Variants in PCDH15 observed in about 807,000 individuals in gnomAD.
The protein encoded by PCDH15 is protocadherin related 15.
Under a neutral mutation model 178.5 loss-of-function variants are expected in PCDH15, and 129 were observed. The ratio of observed to expected loss-of-function variants is 0.72; its 90% CI spans 0.63 to 0.84. PCDH15 has a LOEUF of 0.84. PCDH15 is among the 40% of genes least tolerant of loss of function. The pLI is 0.00. For missense variants in PCDH15, 2,230 were observed against 2,099.9 expected (o/e 1.06, Z -1.21); for synonymous variants, 800 against 732.0 (o/e 1.09, Z -1.50).
intron 2 of PCDH15, chr10:54,607,881 G>C (rs370656833): frequency 5.7e-6 from 3 of 528,634 alleles, no homozygotes; most frequent in African/African-American, 1.9e-5. Flanking sequence ...AGGCTATTAG[G>C]TTGGTCCAAA....
intron 3 of PCDH15, among the ~76,000 whole-genome samples, chr10:54,853,306 T>TACAC (rs1383527323): frequency 1.7e-5 from 2 of 117,182 alleles, no homozygotes; most frequent in Non-Finnish European, 3.4e-5. Context: ...TATATATATA[T>TACAC]ATATATATAT....
chr10:54,057,094 C>A (rs1292454637), intron 18 of PCDH15, among the ~76,000 whole-genome samples: 1 of 152,196 alleles, frequency 6.6e-6, no homozygotes, highest in Non-Finnish European at 1.5e-5. Flanking sequence ...AGCTCCCACT[C>A]CTGGTTGTTT....
In PCDH15 at chr10:53,840,377, G is replaced by A. The variant is rs183552230; in HGVS notation, c.3926C>T (p.Thr1309Ile). ...GGTTTGGGGGTCAATTGCATAGACAGTCAAGTCACATTTGGTGTAATCTTC... is the reference window on the plus strand; with the variant it reads ...GGTTTGGGGGTCAATTGCATAGACAATCAAGTCACATTTGGTGTAATCTTC... ...SLEDYTKCDL[T>I]VYAIDPQTNR... The change falls in exon 29 of 38, where the codon ACT (threonine) becomes ATT (isoleucine). Residue 1309 changes from threonine to isoleucine, a missense_variant. Thr to Ile is a moderately conservative substitution (Grantham distance 89, BLOSUM62 -1). Transcript: ENST00000644397. The A allele has an allele frequency of 1.2e-6, 2 of 1,614,176 alleles. No individual in the cohort carries two copies. Among genetic ancestry groups the A allele is most frequent in the African/African-American group, 1.3e-5 (1 of 75,050 alleles).
At chr10:54,768,013 A>T (rs529277694) in intron 1 of PCDH15, among the ~76,000 whole-genome samples, 7 of 152,290 alleles carry the variant, frequency 4.6e-5, no homozygotes, top group African/African-American at 1.4e-4. Flanking sequence ...CTAATGGAAA[A>T]ATGTTACTAA....
chr10:54,929,138 T>C (rs1318153891), intron 2 of PCDH15, among the ~76,000 whole-genome samples: 1 of 152,208 alleles, frequency 6.6e-6, no homozygotes, highest in Non-Finnish European at 1.5e-5. Flanking sequence ...CCATGAGCGT[T>C]TGATTGTGGC....
chr10:55,175,225 C>CCAAACTATCCATGATAGACTAGGGAT (rs1341509236), intron 1 of PCDH15, among the ~76,000 whole-genome samples: 1 of 152,112 alleles, frequency 6.6e-6, no homozygotes, highest in East Asian at 1.9e-4. Flanking sequence ...CTCAGTTACT[C>CCAAACTATCCATGATAGACTAGGGAT]CAAACTATCC....
In PCDH15 at chr10:54,444,890, A is replaced by G. The variant is rs886403687; in HGVS notation, c.158-65948T>C. Among the ~76,000 whole-genome samples the G allele has an allele frequency of 2.0e-5, 3 of 151,616 alleles. No individual in the cohort carries two copies. In the Admixed American group the frequency reaches 2.0e-4, roughly 10 times the overall value. On this transcript the variant is annotated intron_variant, in intron 3 of 37. Coordinates refer to ENST00000644397, the MANE Select transcript of PCDH15 (RefSeq NM_001384140.1). The stretch of plus-strand genomic sequence containing the variant: ...TCACAACAATCGTCCATCTTTAACT[A>G]CATGTGAGGAAAGCACTTTCTTATA...
At chr10:54,930,523 A>T (rs1313794982) in intron 2 of PCDH15, among the ~76,000 whole-genome samples, 1 of 152,088 alleles carries the variant, frequency 6.6e-6, no homozygotes, top group Non-Finnish European at 1.5e-5. Flanking sequence ...ATGCTGCTTC[A>T]ATTTGTTTAC....
At chr10:55,053,111 T>C (rs1841207227) in intron 2 of PCDH15, among the ~76,000 whole-genome samples, 2 of 152,184 alleles carry the variant, frequency 1.3e-5, no homozygotes, top group Non-Finnish European at 2.9e-5. Flanking sequence ...CTATTATATG[T>C]GGCTGACAAA....
chr10:54,824,442 T>A (rs186646895), intron 3 of PCDH15, among the ~76,000 whole-genome samples: 7 of 152,266 alleles, frequency 4.6e-5, no homozygotes, highest in Admixed American at 4.6e-4. Context: ...TTTTCCCATA[T>A]GCTACCTTGA....
At chr10:54,497,678 G>T (rs1218128280) in intron 3 of PCDH15, among the ~76,000 whole-genome samples, 2 of 152,054 alleles carry the variant, frequency 1.3e-5, no homozygotes, top group Non-Finnish European at 2.9e-5. Flanking sequence ...ATTAATAATA[G>T]AATGGACCAA....
intron 26 of PCDH15, among the ~76,000 whole-genome samples, chr10:53,897,461 A>T (rs925317220): frequency 2.6e-5 from 4 of 152,190 alleles, no homozygotes; most frequent in Non-Finnish European, 4.4e-5. Flanking sequence ...AAAATAGTTT[A>T]AAAAAGGTGT....
chr10:54,140,496 G>A (rs1223418211), intron 14 of PCDH15, among the ~76,000 whole-genome samples: 1 of 151,752 alleles, frequency 6.6e-6, no homozygotes, highest in Non-Finnish European at 1.5e-5. Context: ...TTGAGACAGG[G>A]TCTTGCTCTG....
rs201848995 is a variant in PCDH15 at position 54,236,371 on chromosome 10, CT to C, written c.985+451del. ...TTCGTGTTCCCTTGGGCTAATCGTGCTCTCTCACCTTTTTTTTTTAAATGGC... is the reference window on the plus strand; with the variant it reads ...TTCGTGTTCCCTTGGGCTAATCGTGCCTCTCACCTTTTTTTTTTAAATGGC... On this transcript the variant is annotated intron_variant, in intron 9 of 37. Transcript: ENST00000644397. Among the ~76,000 whole-genome samples, 917 of 151,894 alleles carry C rather than the reference CT, an allele frequency of 6.0e-3. 9 individuals are homozygous for C. Among genetic ancestry groups the C allele is most frequent in the African/African-American group, 0.018 (753 of 41,426 alleles).
chr10:55,111,047 A>G (rs891289789), intron 2 of PCDH15, among the ~76,000 whole-genome samples: 6 of 152,186 alleles, frequency 3.9e-5, no homozygotes, highest in African/African-American at 1.4e-4. Flanking sequence ...TAACAAAGTC[A>G]ATGTCAAACA....
At chr10:54,289,427 C>T (rs189836026) in intron 8 of PCDH15, among the ~76,000 whole-genome samples, 150 of 152,302 alleles carry the variant, frequency 9.8e-4, no homozygotes, top group African/African-American at 3.4e-3. Flanking sequence ...GATAAAACCA[C>T]GAAGATGGGG....
chr10:54,409,445 G>C (rs1425762545), intron 3 of PCDH15, among the ~76,000 whole-genome samples: 1 of 151,946 alleles, frequency 6.6e-6, no homozygotes, highest in African/African-American at 2.4e-5. Context: ...TGATATTGCA[G>C]ACTTCACATA....
intron 3 of PCDH15, among the ~76,000 whole-genome samples, chr10:54,514,302 T>C (rs904022410): frequency 7.2e-5 from 11 of 152,124 alleles, no homozygotes; most frequent in Middle Eastern, 3.2e-3. Flanking sequence ...ATTATAATAA[T>C]GTTCACACAG....
chr10:54,963,529 A>C (rs1838709070), intron 2 of PCDH15, among the ~76,000 whole-genome samples: 1 of 152,176 alleles, frequency 6.6e-6, no homozygotes, highest in South Asian at 2.1e-4. Flanking sequence ...AATTCACTTG[A>C]CTGAAGATGT....
Sources: gnomAD v4.1 joint callset for allele counts (sites outside exome capture counted in the v4.1 genomes callset) on GRCh38, gnomAD v4.1.1 for gene constraint, MANE v1.5 for transcripts, NCBI Gene and HGNC (gene_info 2026-07-23, HGNC 2026-07-21) for gene names.